LPCAT1: variants seen among roughly 807,000 people sequenced by gnomAD.
The protein encoded by LPCAT1 is lysophosphatidylcholine acyltransferase 1.
In LPCAT1, 23 loss-of-function variants were observed where a neutral mutation model predicts 60.9. The observed-to-expected ratio is 0.38, with a 90% confidence interval of 0.27 to 0.53. LPCAT1 has a LOEUF of 0.53. Ranked by LOEUF, LPCAT1 falls within the 20% of genes least tolerant of loss-of-function variation. The probability of loss-of-function intolerance (pLI) is 0.82; values close to 1 mark genes in which losing one functional copy is unlikely to be tolerated. For missense variants in LPCAT1, 622 were observed against 723.6 expected (o/e 0.86, Z 1.61); for synonymous variants, 340 against 301.1 (o/e 1.13, Z -1.34).
chr5:1,464,076 T>C (rs952257623), intron 13 of LPCAT1, among the ~76,000 whole-genome samples: 5 of 152,170 alleles, frequency 3.3e-5, no homozygotes, highest in African/African-American at 9.7e-5. Context: ...ACTCCTGCTT[T>C]TGGGAAACCC....
At position 1,496,159 on chromosome 5, in the gene LPCAT1, A is replaced by C. The variant is rs192010068; in HGVS notation, c.279-1245T>G. Among the ~76,000 whole-genome samples, 1 of 152,142 alleles carries C rather than the reference A, an allele frequency of 6.6e-6. No individual in the cohort carries two copies. The highest frequency in any genetic ancestry group is 6.5e-5 in the Admixed American group (1 of 15,276). ...GTGGATCACTTGAGGTCAGGAGCTCAAGACCAGCCTGGCCAACATGGTGAA... is the reference window on the plus strand; with the variant it reads ...GTGGATCACTTGAGGTCAGGAGCTCCAGACCAGCCTGGCCAACATGGTGAA... On this transcript the variant is annotated intron_variant, in intron 2 of 13. Transcript: ENST00000283415. The surrounding 1 kb of genome is among the most constrained non-coding windows in gnomAD (Gnocchi z 4.7).
chr5:1,478,859 G>A (rs1254530273), intron 8 of LPCAT1, among the ~76,000 whole-genome samples: 3 of 152,186 alleles, frequency 2.0e-5, no homozygotes, highest in Non-Finnish European at 4.4e-5. Flanking sequence ...CATCGACTTA[G>A]AAAAAATTGT....
At chr5:1,464,907 AAC>A (rs571116690) in intron 13 of LPCAT1, among the ~76,000 whole-genome samples, 68 of 146,498 alleles carry the variant, frequency 4.6e-4, no homozygotes, top group East Asian at 2.0e-3. Context: ...ACACTAACTA[AAC>A]ACACATGCGT....
chr5:1,472,067 G>A (rs973614671), intron 11 of LPCAT1, among the ~76,000 whole-genome samples: 9 of 61,240 alleles, frequency 1.5e-4, no homozygotes, highest in South Asian at 4.4e-4. Flanking sequence ...AGGAGCACCC[G>A]GGGCAGAAGG....
rs977475293 is a variant in LPCAT1 at position 1,521,788 on chromosome 5, C to T, written c.135+1922G>A. Among the ~76,000 whole-genome samples the T allele has an allele frequency of 6.6e-6, 1 of 152,136 alleles. No individual in the cohort carries two copies. Among genetic ancestry groups the T allele is most frequent in the South Asian group, 2.1e-4 (1 of 4,818 alleles). The stretch of plus-strand genomic sequence containing the variant: ...TTCAATCTCGGGACCAGGAGCCTCT[C>T]GATGACCCCCTGCCCAAGAGCCACT... On this transcript the variant is annotated intron_variant, in intron 1 of 13. Transcript: ENST00000283415. This position sits in a 1 kb window ranked among gnomAD's most constrained non-coding sequence, Gnocchi z 4.3.
Position 1,480,483 on chromosome 5 carries a change from G to C in LPCAT1, c.761+459C>G. The C allele has an allele frequency of 1.9e-6, 1 of 515,802 alleles. No homozygotes were observed. Among genetic ancestry groups the C allele is most frequent in the South Asian group, 8.4e-5 (1 of 11,950 alleles). 32.0% of individuals were successfully genotyped at this position (515,802 alleles called of 1,614,324 possible). A position where few individuals can be genotyped will look rare whatever the true frequency, so the allele number is the denominator to read the frequency against. On this transcript the variant is annotated intron_variant, in intron 7 of 13. Transcript: ENST00000283415. The surrounding 1 kb of genome is among the most constrained non-coding windows in gnomAD (Gnocchi z 6.4). ...CTCTGGGGCTCGTTCCCGTTTCCGT[G>C]GGGTTGTTCATTGTTGCATAACTGA...
chr5:1,497,292 G>A (rs1381364639), intron 2 of LPCAT1, among the ~76,000 whole-genome samples: 2 of 152,268 alleles, frequency 1.3e-5, no homozygotes, highest in African/African-American at 4.8e-5. Flanking sequence ...AAAGGAGGAA[G>A]GCCGCTGAGG....
intron 13 of LPCAT1, among the ~76,000 whole-genome samples, chr5:1,464,880 C>CAAA (rs34776767): frequency 2.0e-5 from 3 of 150,390 alleles, no homozygotes; most frequent in African/African-American, 7.3e-5. Flanking sequence ...CGTGTACACA[C>CAAA]AAACAAGTGC....
At chr5:1,489,941 G>T in intron 3 of LPCAT1, 83 bp from the exon 4 acceptor site, 2 of 982,308 alleles carry the variant, frequency 2.0e-6, no homozygotes, top group Non-Finnish European at 3.3e-6. Context: ...GCTGCTGCAT[G>T]GCGCCCAGTG....
At chr5:1,515,299 T>C (rs2126619733) in intron 1 of LPCAT1, among the ~76,000 whole-genome samples, 1 of 126,718 alleles carries the variant, frequency 7.9e-6, no homozygotes, top group East Asian at 2.2e-4. Context: ...GCTACAAGAG[T>C]CCCCAGCCTG....
intron 13 of LPCAT1, among the ~76,000 whole-genome samples, chr5:1,466,115 G>A (rs781562021): frequency 6.6e-6 from 1 of 152,264 alleles, no homozygotes; most frequent in South Asian, 2.1e-4. Context: ...TGGGAGCCTC[G>A]GGTGGATGCA....
intron 1 of LPCAT1, among the ~76,000 whole-genome samples, chr5:1,517,705 C>T (rs1011724792): frequency 3.3e-5 from 5 of 151,096 alleles, no homozygotes; most frequent in Admixed American, 1.3e-4. Context: ...TAGGAAGAAA[C>T]GATTTAAATA....
Position 1,487,960 on chromosome 5 carries a change from T to C in LPCAT1, c.667+431A>G, listed in dbSNP as rs1735433980. On this transcript the variant is annotated intron_variant, in intron 5 of 13. Coordinates refer to ENST00000283415, the MANE Select transcript of LPCAT1 (RefSeq NM_024830.5). The surrounding 1 kb of genome is among the most constrained non-coding windows in gnomAD (Gnocchi z 6.1). ...CCCCCTCCCCAGGGAGAAAGAACAC[T>C]GTCTAACTGGGGACCTGGGGACCTG... Among the ~76,000 whole-genome samples the C allele has an allele frequency of 6.6e-6, 1 of 152,076 alleles. No individual in the cohort carries two copies.
intron 4 of LPCAT1, 93 bp downstream of exon 4, chr5:1,489,653 G>C (rs184717774): frequency 1.1e-6 from 1 of 951,966 alleles, no homozygotes; most frequent in Non-Finnish European, 1.7e-6. Context: ...ATCCAGCCCC[G>C]GAGGAAGGGC....
intron 11 of LPCAT1, among the ~76,000 whole-genome samples, chr5:1,473,208 G>A (rs1026850603): frequency 1.3e-5 from 2 of 152,174 alleles, no homozygotes; most frequent in African/African-American, 2.4e-5. Flanking sequence ...GCTGTCACAC[G>A]GGACATCTCA....
rs753420867 is a variant in LPCAT1, at chr5:1,483,411, A to C, written c.726+17T>G. On this transcript the variant is annotated intron_variant, in intron 6 of 13. Transcript: ENST00000283415. This position sits in a 1 kb window ranked among gnomAD's most constrained non-coding sequence, Gnocchi z 9.2. ...GAGAATTCCCCTGGAAGCTGACCCC[A>C]AAAAAACACAACTCACCAGTTTATT... 10 of 1,612,790 alleles carry C rather than the reference A, an allele frequency of 6.2e-6. No individual in the cohort carries two copies. Among genetic ancestry groups the C allele is most frequent in the Middle Eastern group, 1.6e-4 (1 of 6,084 alleles).
chr5:1,521,494 T>C lies in LPCAT1; in HGVS notation c.135+2216A>G. ...ACTCTGTGGAAACTTTACAAGAATATATCACATCAAAGTAAAAGCTTTGCA... is the reference window on the plus strand; with the variant it reads ...ACTCTGTGGAAACTTTACAAGAATACATCACATCAAAGTAAAAGCTTTGCA... On this transcript the variant is annotated intron_variant, in intron 1 of 13. Coordinates refer to ENST00000283415, the MANE Select transcript of LPCAT1 (RefSeq NM_024830.5). The surrounding 1 kb of genome is among the most constrained non-coding windows in gnomAD (Gnocchi z 4.3). 1 of 985,254 alleles carries C rather than the reference T, an allele frequency of 1.0e-6. No homozygotes were observed. The highest frequency in any genetic ancestry group is 1.2e-6 in the Non-Finnish European group (1 of 829,748). 61.0% of individuals were successfully genotyped at this position (985,254 alleles called of 1,614,324 possible). A position where few individuals can be genotyped will look rare whatever the true frequency, so the allele number is the denominator to read the frequency against.
At chr5:1,482,919 C>G (rs1175608538) in intron 6 of LPCAT1, among the ~76,000 whole-genome samples, 1 of 152,196 alleles carries the variant, frequency 6.6e-6, no homozygotes, top group East Asian at 1.9e-4. Flanking sequence ...CAAACAAAAC[C>G]TGGGCACTAA....
chr5:1,489,887 G>A (rs113842715), intron 3 of LPCAT1, 29 bp from the exon 4 acceptor site: 49 of 1,508,056 alleles, frequency 3.2e-5, no homozygotes, highest in African/African-American at 2.7e-4. Flanking sequence ...GACGGATCAC[G>A]TGGAATGCAC....
Sources: gnomAD v4.1 joint callset for allele counts (sites outside exome capture counted in the v4.1 genomes callset) on GRCh38, gnomAD v4.1.1 for gene constraint, Gnocchi (gnomAD v3.1) non-coding constraint, MANE v1.5 for transcripts, NCBI Gene and HGNC (gene_info 2026-07-23, HGNC 2026-07-21) for gene names.